The following ADAM7 variants were observed in gnomAD, a reference collection of about 807,000 sequenced individuals.
The protein encoded by ADAM7 is disintegrin and metalloproteinase domain-containing protein 7.
A neutral mutation model predicts 102.9 loss-of-function variants in ADAM7; 97 were observed. That is an observed-to-expected ratio of 0.94 (90% CI 0.80 to 1.12). The LOEUF is 1.12. Among genes scored for constraint, ADAM7 ranks in the 50% most tolerant of loss-of-function variants. The pLI is 0.00. For synonymous variants in ADAM7, 334 were observed against 304.4 expected, an observed-to-expected ratio of 1.10 and a Z score of -1.01; for missense variants, 991 against 908.7, an observed-to-expected ratio of 1.09 and a Z score of -1.16.
intron 7 of ADAM7, among the ~76,000 whole-genome samples, chr8:24,471,847 A>T (rs1819615255): frequency 1.3e-5 from 2 of 152,144 alleles, no homozygotes; most frequent in South Asian, 4.1e-4. Flanking sequence ...TATAACAATT[A>T]CATCTGCCTG....
At position 24,472,567 on chromosome 8, in the gene ADAM7, A is replaced by T. The variant is rs540505183; in HGVS notation, c.633+3747A>T. On this transcript the variant is annotated intron_variant, in intron 7 of 21. Transcript: ENST00000175238. ...GGACTATTTATAACTGACCATAAAA[A>T]ATAGTAAAGTAAAATTTATTAGATA... is the stretch of plus-strand genomic sequence containing the variant. 3.9e-5 allele frequency among the ~76,000 whole-genome samples: 6 copies of T among 152,198 alleles called. No individual in the cohort carries two copies. The South Asian group carries it at 6.2e-4, about 16-fold the overall frequency.
At position 24,469,162 on chromosome 8, in the gene ADAM7, G is replaced by C. The variant is rs140155436; in HGVS notation, c.633+342G>C. ...AGAAGAAAATCTCTATCAGAACAGT[G>C]AGTAAAATTTAAAGGCTTGGTGACC... is the stretch of plus-strand genomic sequence containing the variant. On this transcript the variant is annotated intron_variant, in intron 7 of 21. Coordinates refer to ENST00000175238, the MANE Select transcript of ADAM7 (RefSeq NM_003817.4). Among the ~76,000 whole-genome samples, 233 of 152,264 alleles carry C rather than the reference G, an allele frequency of 1.5e-3. 1 individual carries two copies. Among genetic ancestry groups the C allele is most frequent in the African/African-American group, 5.2e-3 (217 of 41,550 alleles).
intron 6 of ADAM7, 54 bp from the exon 7 acceptor site, chr8:24,468,713 G>A (rs1819510566): frequency 6.6e-7 from 1 of 1,515,580 alleles, no homozygotes; most frequent in African/African-American, 1.4e-5. Flanking sequence ...AACTTAAAGG[G>A]TTAAGATAGA....
At chr8:24,499,797 T>TAC (rs35010933) in intron 17 of ADAM7, among the ~76,000 whole-genome samples, 20,358 of 148,136 alleles carry the variant, frequency 0.14, 1,416 homozygotes, top group Middle Eastern at 0.19. Context: ...TATATAGTAA[T>TAC]ACACACACAC....
chr8:24,443,808 T>C (rs1009794625), intron 2 of ADAM7, among the ~76,000 whole-genome samples: 3 of 151,914 alleles, frequency 2.0e-5, no homozygotes, highest in Non-Finnish European at 2.9e-5. Flanking sequence ...CATGGTGGTG[T>C]GCACCTGTAA....
At chr8:24,444,602 G>GA in intron 2 of ADAM7, among the ~76,000 whole-genome samples, 1 of 151,098 alleles carries the variant, frequency 6.6e-6, no homozygotes, top group Admixed American at 6.6e-5. Context: ...CTAAGCATGA[G>GA]AAAAATATCA....
At chr8:24,494,163 T>C (rs1324727157) in intron 16 of ADAM7, among the ~76,000 whole-genome samples, 1 of 152,156 alleles carries the variant, frequency 6.6e-6, no homozygotes, top group Non-Finnish European at 1.5e-5. Flanking sequence ...TACAGTGTGA[T>C]AGAGAAATAC....
intron 16 of ADAM7, among the ~76,000 whole-genome samples, chr8:24,497,050 T>C (rs181985444): frequency 8.5e-5 from 13 of 152,320 alleles, no homozygotes; most frequent in Admixed American, 6.5e-4. Context: ...AAGTGAATCA[T>C]GAGAGCAGGT....
chr8:24,455,786 A>G (rs922179341), intron 3 of ADAM7, among the ~76,000 whole-genome samples: 1 of 152,186 alleles, frequency 6.6e-6, no homozygotes, highest in African/African-American at 2.4e-5. Flanking sequence ...GTCCATCTAC[A>G]TATTTGTTGA....
At chr8:24,478,004 G>T (rs79590878) in intron 8 of ADAM7, among the ~76,000 whole-genome samples, 1 of 151,566 alleles carries the variant, frequency 6.6e-6, no homozygotes, top group Non-Finnish European at 1.5e-5. Flanking sequence ...TTTCAAGCTT[G>T]TTTTTCACTA....
chr8:24,506,284 G>A, intron 20 of ADAM7: 1 of 741,326 alleles, frequency 1.3e-6, no homozygotes, highest in Non-Finnish European at 2.2e-6. Flanking sequence ...TCTCTGATCG[G>A]AGGTAGAAAT....
At chr8:24,475,618 C>G (rs982122922) in intron 7 of ADAM7, among the ~76,000 whole-genome samples, 2 of 152,010 alleles carry the variant, frequency 1.3e-5, no homozygotes, top group Non-Finnish European at 2.9e-5. Context: ...TGAAGAGATT[C>G]TAATGCTATA....
intron 3 of ADAM7, among the ~76,000 whole-genome samples, chr8:24,458,247 A>G (rs180892028): frequency 6.6e-6 from 1 of 152,296 alleles, no homozygotes; most frequent in East Asian, 1.9e-4. Context: ...ATTTCATTTT[A>G]ACTTACTGAC....
intron 7 of ADAM7, among the ~76,000 whole-genome samples, chr8:24,473,920 A>G (rs956079452): frequency 3.3e-5 from 5 of 152,222 alleles, no homozygotes; most frequent in African/African-American, 1.2e-4. Context: ...ACACATACAT[A>G]TAATTCAACA....
intron 7 of ADAM7, among the ~76,000 whole-genome samples, chr8:24,473,172 C>A (rs1044318545): frequency 1.3e-5 from 2 of 152,046 alleles, no homozygotes; most frequent in African/African-American, 4.8e-5. Context: ...AGATAAATAA[C>A]CTTATCTTTT....
intron 8 of ADAM7, among the ~76,000 whole-genome samples, chr8:24,479,302 A>G (rs1044755679): frequency 6.6e-6 from 1 of 152,014 alleles, no homozygotes; most frequent in Admixed American, 6.6e-5. Flanking sequence ...TTGGTAGGAG[A>G]TCTTGAATGG....
At position 24,459,250 on chromosome 8, in the gene ADAM7, C is replaced by CA. The variant is rs199787637; in HGVS notation, c.234-4623dup. Among the ~76,000 whole-genome samples, 840 of 149,630 alleles carry CA rather than the reference C, an allele frequency of 5.6e-3. 6 individuals are homozygous for CA. The highest frequency in any genetic ancestry group is 0.019 in the African/African-American group (795 of 40,932). On this transcript the variant is annotated intron_variant, in intron 3 of 21. Coordinates refer to ENST00000175238, the MANE Select transcript of ADAM7 (RefSeq NM_003817.4). The stretch of plus-strand genomic sequence containing the variant: ...TGCATCAGTTTTAAATTACAGTTTT[C>CA]AAAAAAAAATGTCTATTTCACTTAA...
chr8:24,447,926 GTAAA>G (rs1818624573), intron 3 of ADAM7, among the ~76,000 whole-genome samples: 1 of 130,606 alleles, frequency 7.7e-6, no homozygotes, highest in Non-Finnish European at 1.6e-5. Flanking sequence ...TTAGCTAAAA[GTAAA>G]TAACAAAACA....
rs1820310623 is a variant in ADAM7 at position 24,490,631 on chromosome 8, G to A, written c.1267-168G>A. 4 of 616,656 alleles carry A rather than the reference G, an allele frequency of 6.5e-6. No homozygotes were observed. In the South Asian group the frequency reaches 6.6e-5, roughly 10 times the overall value. 38.2% of individuals were successfully genotyped at this position (616,656 alleles called of 1,614,324 possible). A position where few individuals can be genotyped will look rare whatever the true frequency, so the allele number is the denominator to read the frequency against. ...CACGAGAGAAGGAGAAATAGTTAAAGTCCCAAATACCCGTTCTAAACAGTA... is the reference window on the plus strand; with the variant it reads ...CACGAGAGAAGGAGAAATAGTTAAAATCCCAAATACCCGTTCTAAACAGTA... On this transcript the variant is annotated intron_variant, in intron 12 of 21. Transcript: ENST00000175238.
Sources: gnomAD v4.1 joint callset for allele counts (sites outside exome capture counted in the v4.1 genomes callset) on GRCh38, gnomAD v4.1.1 for gene constraint, MANE v1.5 for transcripts, NCBI Gene and HGNC (gene_info 2026-07-23, HGNC 2026-07-21) for gene names.